The following WDR37 variants were observed in gnomAD, a reference collection of about 807,000 sequenced individuals.
WDR37 encodes WD repeat-containing protein 37.
A neutral mutation model predicts 62.9 loss-of-function variants in WDR37; 19 were observed. The ratio of observed to expected loss-of-function variants is 0.30; its 90% confidence interval spans 0.21 to 0.44. The LOEUF is 0.44. Among genes scored for constraint, WDR37 ranks in the 20% least tolerant of loss-of-function variants. The probability of loss-of-function intolerance (pLI) is 1.00; values close to 1 mark genes in which losing one functional copy is unlikely to be tolerated. For synonymous variants in WDR37, 250 were observed against 260.9 expected (o/e 0.96, Z 0.40); for missense variants, 474 against 657.6 (o/e 0.72, Z 3.05).
At chr10:1,061,328 C>T (rs1216707536) in intron 1 of WDR37, among the ~76,000 whole-genome samples, 1 of 152,126 alleles carries the variant, frequency 6.6e-6, no homozygotes, top group Non-Finnish European at 1.5e-5. Context: ...CTTCCTTGTC[C>T]CTCTTCCCAT....
intron 11 of WDR37, among the ~76,000 whole-genome samples, chr10:1,119,081 G>A (rs1339997712): frequency 6.6e-6 from 1 of 152,230 alleles, no homozygotes; most frequent in Non-Finnish European, 1.5e-5. Flanking sequence ...AATTTCTTCT[G>A]TATACCAGAA....
At chr10:1,128,412 A>G (rs1835867058) in intron 13 of WDR37, among the ~76,000 whole-genome samples, 1 of 152,354 alleles carries the variant, frequency 6.6e-6, no homozygotes. Context: ...GCTCTGTCAC[A>G]TATTTTGCAG....
chr10:1,095,703 A>C (rs1369138623), intron 8 of WDR37, among the ~76,000 whole-genome samples: 1 of 152,202 alleles, frequency 6.6e-6, no homozygotes, highest in East Asian at 1.9e-4. Flanking sequence ...TGCTGAAAAC[A>C]GAGTGGGACG....
At chr10:1,085,488 T>G (rs1203508753) in intron 6 of WDR37, among the ~76,000 whole-genome samples, 1 of 152,126 alleles carries the variant, frequency 6.6e-6, no homozygotes, top group Non-Finnish European at 1.5e-5. Context: ...CCCTTTGTTT[T>G]CTCTAAAAAA....
At chr10:1,101,759 T>C (rs1048647085) in intron 9 of WDR37, among the ~76,000 whole-genome samples, 25 of 152,144 alleles carry the variant, frequency 1.6e-4, no homozygotes, top group Admixed American at 1.6e-3. Context: ...ATGTTGTTCC[T>C]CAGCCCGGGC....
At chr10:1,073,030 A>T (rs1833772996) in intron 2 of WDR37, among the ~76,000 whole-genome samples, 1 of 152,168 alleles carries the variant, frequency 6.6e-6, no homozygotes, top group South Asian at 2.1e-4. Flanking sequence ...TGCCGCCATG[A>T]GTATGTCATT....
chr10:1,124,657 A>AGTGT lies in WDR37; in HGVS notation c.1239-220_1239-217dup, dbSNP rs10522293. Reference sequence around the variant, plus strand: ...GGTGGGTCTGGTTCTACCATTGAGCAGTGTGTGTGTGTGTGTGTGTGTGTG... The same window carrying AGTGT: ...GGTGGGTCTGGTTCTACCATTGAGCAGTGTGTGTGTGTGTGTGTGTGTGTGTGTG... On this transcript the variant is annotated intron_variant, in intron 12 of 13. Transcript: ENST00000263150. Among the ~76,000 whole-genome samples the AGTGT allele has an allele frequency of 2.7e-3, 398 of 149,292 alleles. 1 individual carries two copies. Among genetic ancestry groups the AGTGT allele is most frequent in the African/African-American group, 9.5e-3 (383 of 40,420 alleles).
chr10:1,111,499 C>T (rs1322602162), intron 11 of WDR37, among the ~76,000 whole-genome samples: 3 of 152,118 alleles, frequency 2.0e-5, no homozygotes, highest in Admixed American at 6.6e-5. Flanking sequence ...AAAAGTGTAG[C>T]GAAATGGGTC....
At chr10:1,099,292 T>A (rs1041565390) in intron 9 of WDR37, among the ~76,000 whole-genome samples, 1 of 152,214 alleles carries the variant, frequency 6.6e-6, no homozygotes, top group Non-Finnish European at 1.5e-5. Context: ...GCCCCCCCAG[T>A]TCGGTGCCTG....
At chr10:1,110,511 T>C (rs1835179647) in intron 11 of WDR37, among the ~76,000 whole-genome samples, 1 of 151,632 alleles carries the variant, frequency 6.6e-6, no homozygotes, top group African/African-American at 2.4e-5. Flanking sequence ...GAGCTGTGCA[T>C]CCGCGCCACA....
intron 11 of WDR37, among the ~76,000 whole-genome samples, chr10:1,116,223 C>T (rs1164400218): frequency 6.6e-6 from 1 of 151,854 alleles, no homozygotes; most frequent in Admixed American, 6.6e-5. Context: ...GTCCATCAGT[C>T]CTCCCGTCAT....
intron 11 of WDR37, among the ~76,000 whole-genome samples, chr10:1,118,468 A>C (rs954112713): frequency 6.8e-6 from 1 of 146,506 alleles, no homozygotes; most frequent in African/African-American, 2.6e-5. Flanking sequence ...CTCTGTTTGA[A>C]GTCCCTGCAC....
At chr10:1,067,156 A>G (rs971962234) in intron 1 of WDR37, among the ~76,000 whole-genome samples, 18 of 152,324 alleles carry the variant, frequency 1.2e-4, no homozygotes, top group African/African-American at 4.3e-4. Flanking sequence ...CAGTGAGTTG[A>G]TTTTTTGACA....
chr10:1,079,606 C>T (rs571629129), intron 3 of WDR37, among the ~76,000 whole-genome samples: 65 of 151,760 alleles, frequency 4.3e-4, no homozygotes, highest in Admixed American at 7.2e-4. Flanking sequence ...GTGATCTCGG[C>T]TCACTGCAAT....
chr10:1,093,892 T>C (rs1023697334), intron 8 of WDR37, among the ~76,000 whole-genome samples: 5 of 152,238 alleles, frequency 3.3e-5, no homozygotes, highest in Non-Finnish European at 7.3e-5. Context: ...CACAGCAAGT[T>C]GCCAATGTCA....
chr10:1,109,695 G>A (rs1835148567), intron 11 of WDR37, among the ~76,000 whole-genome samples: 2 of 152,130 alleles, frequency 1.3e-5, no homozygotes, highest in South Asian at 2.1e-4. Context: ...TGGGCAATGA[G>A]CGAAACTCCA....
At chr10:1,070,982 T>A (rs909548330) in intron 1 of WDR37, among the ~76,000 whole-genome samples, 9 of 152,242 alleles carry the variant, frequency 5.9e-5, no homozygotes, top group African/African-American at 2.2e-4. Context: ...TGAAGAGGGC[T>A]GGGCACACCA....
rs1351085134 is a variant in WDR37 at position 1,069,370 on chromosome 10, A to AATATATATATATATAT, written c.-40-2741_-40-2726dup. On this transcript the variant is annotated intron_variant, in intron 1 of 13. Coordinates refer to ENST00000263150, the MANE Select transcript of WDR37 (RefSeq NM_014023.4). ...TAGTAATAGTAAAAAAATTGGAAAG[A>AATATATATATATATAT]ATATATATATATATATATATTTTTT... Among the ~76,000 whole-genome samples, 84 of 81,386 alleles carry AATATATATATATATAT rather than the reference A, an allele frequency of 1.0e-3. 1 individual carries two copies. Among genetic ancestry groups the AATATATATATATATAT allele is most frequent in the Admixed American group, 1.6e-3 (10 of 6,362 alleles). The allele number at this position is 81,386 out of a possible 152,430, so 53.4% of individuals were successfully genotyped here.
chr10:1,085,121 C>T (rs527978666), intron 6 of WDR37, among the ~76,000 whole-genome samples: 5 of 151,388 alleles, frequency 3.3e-5, no homozygotes, highest in East Asian at 1.9e-4. Flanking sequence ...CCCGCCACCA[C>T]GCCTGGCTAA....
Sources: gnomAD v4.1 joint callset for allele counts (sites outside exome capture counted in the v4.1 genomes callset) on GRCh38, gnomAD v4.1.1 for gene constraint, MANE v1.5 for transcripts, NCBI Gene and HGNC (gene_info 2026-07-23, HGNC 2026-07-21) for gene names.